Variants in COL4A4 observed in about 807,000 individuals in gnomAD.
COL4A4 encodes the protein collagen type IV alpha 4 chain.
A neutral mutation model predicts 192.9 loss-of-function variants in COL4A4; 105 were observed. The observed-to-expected ratio is 0.54, with a 90% confidence interval of 0.46 to 0.64. The LOEUF (loss-of-function observed/expected upper bound fraction) is 0.64, where lower values mean the gene tolerates loss of function less well. Among genes scored for constraint, COL4A4 ranks in the 30% least tolerant of loss-of-function variants. The probability of loss-of-function intolerance (pLI) is 0.00; values close to 1 mark genes in which losing one functional copy is unlikely to be tolerated. For missense variants in COL4A4, 1,967 were observed against 2,169.3 expected, an observed-to-expected ratio of 0.91 and a Z score of 1.85; for synonymous variants, 762 against 769.9, an observed-to-expected ratio of 0.99 and a Z score of 0.17.
At chr2:227,015,369 A>G (rs527415816) in intron 44 of COL4A4, among the ~76,000 whole-genome samples, 1 of 152,312 alleles carries the variant, frequency 6.6e-6, no homozygotes, top group East Asian at 1.9e-4. Context: ...ACCTGGGAAT[A>G]TGTTAGAAAT....
intron 12 of COL4A4, among the ~76,000 whole-genome samples, chr2:227,106,198 T>C (rs10179820): frequency 0.56 from 85,156 of 151,720 alleles, 24,417 homozygotes; most frequent in Middle Eastern, 0.67. Context: ...ATATCTGCTG[T>C]GTGAATAAAC....
the COL4A4 span, among the ~76,000 whole-genome samples, chr2:226,979,899 C>T: frequency 1.3e-5 from 2 of 152,138 alleles, no homozygotes; most frequent in African/African-American, 4.8e-5. Flanking sequence ...TAGTTGGTGA[C>T]AGGACAGATA....
At chr2:227,101,958 T>C in intron 15 of COL4A4, 49 bp from the exon 16 acceptor site, 1 of 1,391,984 alleles carries the variant, frequency 7.2e-7, no homozygotes, top group Non-Finnish European at 1.0e-6. Flanking sequence ...TCAGAATGCA[T>C]TAACCAGCTC....
intron 43 of COL4A4, chr2:227,022,428 A>G: frequency 2.9e-6 from 2 of 700,432 alleles, no homozygotes; most frequent in African/African-American, 1.7e-5. Context: ...TGAATGGAGT[A>G]TCAGAGGATG....
intron 29 of COL4A4, 116 bp downstream of exon 29, chr2:227,057,323 C>T (rs1975667301): frequency 8.0e-7 from 1 of 1,252,378 alleles, no homozygotes; most frequent in Admixed American, 2.0e-5. Context: ...TAACGAAGTC[C>T]TTTGTCTCTG....
chr2:227,093,980 T>G, intron 20 of COL4A4, 145 bp downstream of exon 20: 1 of 703,082 alleles, frequency 1.4e-6, no homozygotes, highest in Non-Finnish European at 2.4e-6. Flanking sequence ...CCAACTTCAG[T>G]TTATTTGTTT....
At chr2:227,103,871 G>T in intron 13 of COL4A4, 101 bp downstream of exon 13, 3 of 830,388 alleles carry the variant, frequency 3.6e-6, no homozygotes, top group Non-Finnish European at 6.1e-6. Context: ...AACTAGTGCA[G>T]TGATGCATAG....
chr2:227,134,807 A>G (rs4312483), intron 4 of COL4A4, among the ~76,000 whole-genome samples: 55,925 of 152,144 alleles, frequency 0.37, 10,565 homozygotes, highest in Non-Finnish European at 0.41. Flanking sequence ...AATTCTTGAC[A>G]TTTACGTCAT....
chr2:227,066,392 G>A (rs949028734), intron 25 of COL4A4, among the ~76,000 whole-genome samples: 7 of 151,592 alleles, frequency 4.6e-5, no homozygotes, highest in African/African-American at 7.3e-5. Flanking sequence ...CTCGAGAAGA[G>A]CAACTCCAAG....
At position 227,104,666 on chromosome 2, in the gene COL4A4, G is replaced by A. The variant is rs1264024147; in HGVS notation, c.736-614C>T. The stretch of plus-strand genomic sequence containing the variant: ...TTTTTTTTTTTTTTTTTGAGATGGA[G>A]TTTCACTCTTGTTGCCCAGGCCAGA... On this transcript the variant is annotated intron_variant, in intron 12 of 47. Coordinates refer to ENST00000396625, the MANE Select transcript of COL4A4 (RefSeq NM_000092.5). 2.9e-5 allele frequency among the ~76,000 whole-genome samples: 4 copies of A among 135,736 alleles called. No individual in the cohort carries two copies. In the South Asian group the frequency reaches 9.3e-4, roughly 32 times the overall value. 89.0% of individuals were successfully genotyped at this position (135,736 alleles called of 152,430 possible). A position where few individuals can be genotyped will look rare whatever the true frequency, so the allele number is the denominator to read the frequency against.
chr2:227,071,315 C>T (rs1490061646), intron 25 of COL4A4, among the ~76,000 whole-genome samples: 1 of 152,058 alleles, frequency 6.6e-6, no homozygotes, highest in Non-Finnish European at 1.5e-5. Flanking sequence ...AAGATGGTCA[C>T]TATGTAATGA....
chr2:227,000,013 G>A (rs1057261401), downstream of COL4A4, among the ~76,000 whole-genome samples: 6 of 152,218 alleles, frequency 3.9e-5, no homozygotes, highest in African/African-American at 1.4e-4. Flanking sequence ...AGAGATTCAT[G>A]ATATTTATTT....
chr2:227,147,682 G>A (rs2063636268), intron 1 of COL4A4, 98 bp from the exon 2 acceptor site: 4 of 520,600 alleles, frequency 7.7e-6, no homozygotes, highest in South Asian at 4.1e-5. Context: ...TTTTCTAAAG[G>A]GTAACTTCAA....
rs1491402847 is a variant in COL4A4 at position 227,041,867 on chromosome 2, A to AG, written c.3505+280_3505+281insC. Reference sequence around the variant, plus strand: ...AAGAAAGAGAAAGAAAGAAAGAAAGAAAGAAAGAAAGAAAGAAAGAAAGAA... The same window carrying AG: ...AAGAAAGAGAAAGAAAGAAAGAAAGAGAAGAAAGAAAGAAAGAAAGAAAGAA... On this transcript the variant is annotated intron_variant, in intron 37 of 47. Coordinates refer to ENST00000396625, the MANE Select transcript of COL4A4 (RefSeq NM_000092.5). Among the ~76,000 whole-genome samples, 73 of 136,298 alleles carry AG rather than the reference A, an allele frequency of 5.4e-4. 2 individuals carry two copies. Among genetic ancestry groups the AG allele is most frequent in the African/African-American group, 2.0e-3 (70 of 34,204 alleles). 89.4% of individuals were successfully genotyped at this position (136,298 alleles called of 152,430 possible).
downstream of COL4A4, chr2:226,998,504 A>G (rs777505102): frequency 6.6e-5 from 10 of 152,200 alleles, no homozygotes; most frequent in African/African-American, 1.7e-4. Context: ...ATAGCATTCA[A>G]TTAGTCAAAA....
chr2:226,983,887 C>T, the COL4A4 span, among the ~76,000 whole-genome samples: 2 of 152,128 alleles, frequency 1.3e-5, no homozygotes, highest in African/African-American at 2.4e-5. Flanking sequence ...ATCAAAAATG[C>T]TTCTTTATAC....
chr2:227,117,911 G>C (rs2061578755), intron 7 of COL4A4, among the ~76,000 whole-genome samples: 1 of 152,156 alleles, frequency 6.6e-6, no homozygotes, highest in Non-Finnish European at 1.5e-5. Flanking sequence ...ACAGGGGCTA[G>C]AAAGATAAAA....
the COL4A4 span, among the ~76,000 whole-genome samples, chr2:226,995,012 G>T: frequency 1.2e-3 from 180 of 152,180 alleles, no homozygotes; most frequent in African/African-American, 4.2e-3. Context: ...GGAAGAAAAG[G>T]AGCACCCAAA....
intron 12 of COL4A4, among the ~76,000 whole-genome samples, chr2:227,106,861 T>C (rs962370135): frequency 3.9e-5 from 6 of 152,256 alleles, no homozygotes; most frequent in African/African-American, 1.4e-4. Flanking sequence ...CCACTGGGCC[T>C]GGCCCAAAAT....
Sources: gnomAD v4.1 joint callset for allele counts (sites outside exome capture counted in the v4.1 genomes callset) on GRCh38, gnomAD v4.1.1 for gene constraint, MANE v1.5 for transcripts, NCBI Gene and HGNC (gene_info 2026-07-23, HGNC 2026-07-21) for gene names.